The following NASP variants were observed in gnomAD, a reference collection of about 807,000 sequenced individuals.
NASP encodes NASP histone chaperone.
In NASP, 24 loss-of-function variants were observed where a neutral mutation model predicts 89.5. The observed-to-expected ratio is 0.27, with a 90% CI of 0.19 to 0.38. The LOEUF is 0.38. Among genes scored for constraint, NASP ranks in the 10% least tolerant of loss-of-function variants. NASP has a pLI of 1.00. For missense variants in NASP, 848 were observed against 921.4 expected (o/e 0.92, Z 1.03); for synonymous variants, 306 against 324.7 (o/e 0.94, Z 0.62).
At chr1:45,592,826 T>C (rs1234747863) in intron 2 of NASP, 1 of 152,246 alleles carries the variant, frequency 6.6e-6, no homozygotes, top group Non-Finnish European at 1.5e-5. Flanking sequence ...CAAATACATT[T>C]TTTAAGCGTC....
intron 2 of NASP, among the ~76,000 whole-genome samples, chr1:45,597,487 C>A (rs1643728934): frequency 6.6e-6 from 1 of 151,916 alleles, no homozygotes; most frequent in Admixed American, 6.6e-5. Flanking sequence ...ATATGAAAAT[C>A]CTGTTCTCTT....
At chr1:45,585,766 G>C (rs1157219933) in intron 1 of NASP, among the ~76,000 whole-genome samples, 3 of 152,118 alleles carry the variant, frequency 2.0e-5, no homozygotes, top group African/African-American at 7.2e-5. Flanking sequence ...GGGCACAACT[G>C]ATCTTCCCTA....
At position 45,591,219 on chromosome 1, in the gene NASP, A is replaced by G; in HGVS notation, c.60-4A>G. On this transcript the variant is annotated splice_polypyrimidine_tract_variant and splice_region_variant and intron_variant, in intron 1 of 14. Transcript: ENST00000350030. ...ATTTTTTCCCCTTTAATTTTTTATT[A>G]CAGAATTGAAGATGTTCCTGCTCCT... 1.3e-6 allele frequency: 2 copies of G among 1,517,798 alleles called. No individual in the cohort carries two copies. The highest frequency in any genetic ancestry group is 2.4e-5 in the East Asian group (1 of 41,522). 94.0% of individuals were successfully genotyped at this position (1,517,798 alleles called of 1,614,324 possible).
chr1:45,608,524 GTCT>G (rs1643949197), intron 6 of NASP, 187 bp downstream of exon 6: 4 of 623,950 alleles, frequency 6.4e-6, no homozygotes, highest in African/African-American at 1.8e-5. Context: ...AAAGCAGCAA[GTCT>G]TCTTTAGCTG....
intron 1 of NASP, among the ~76,000 whole-genome samples, chr1:45,590,146 AT>A (rs1187340720): frequency 6.6e-6 from 1 of 152,134 alleles, no homozygotes; most frequent in African/African-American, 2.4e-5. Flanking sequence ...ACAGACTAAA[AT>A]TTGAGAAACA....
At chr1:45,616,278 A>G in intron 11 of NASP, 59 bp from the exon 12 acceptor site, 2 of 1,486,354 alleles carry the variant, frequency 1.3e-6, no homozygotes, top group Non-Finnish European at 1.9e-6. Flanking sequence ...TCCTGTTACA[A>G]GGCTGTGGGC....
intron 1 of NASP, among the ~76,000 whole-genome samples, chr1:45,586,284 G>GTGTGGT (rs1202771599): frequency 2.0e-4 from 20 of 100,524 alleles, no homozygotes; most frequent in South Asian, 9.7e-4. Flanking sequence ...GTGTGTGTGT[G>GTGTGGT]GTGTGTGTGT....
At chr1:45,604,272 A>G (rs1453821049) in intron 3 of NASP, among the ~76,000 whole-genome samples, 3 of 152,228 alleles carry the variant, frequency 2.0e-5, no homozygotes, top group Non-Finnish European at 4.4e-5. Context: ...CCTTTTGTTC[A>G]TTATACTTAC....
chr1:45,593,961 C>T (rs1187275073), intron 2 of NASP, among the ~76,000 whole-genome samples: 2 of 150,328 alleles, frequency 1.3e-5, no homozygotes, highest in East Asian at 2.0e-4. Context: ...CCCAGGAAGT[C>T]GAGGTGGTGG....
In NASP at chr1:45,614,344, C is replaced by T. The variant is rs762794083; in HGVS notation, c.1644C>T (p.Leu548=). Reference sequence around the variant, plus strand: ...ATGCTGCCCAGGCACATCTTAAACTCGGAGAAGTTAGTGTTGAATCTGGTA... The same window carrying T: ...ATGCTGCCCAGGCACATCTTAAACTTGGAGAAGTTAGTGTTGAATCTGGTA... ...QLYAAQAHLK[L]GEVSVESENY... The change falls in exon 9 of 15, where the codon CTC becomes CTT. Residue 548 remains leucine (L), a synonymous_variant. Transcript: ENST00000350030. The T allele has an allele frequency of 9.3e-6, 15 of 1,613,718 alleles. No individual in the cohort carries two copies. Among genetic ancestry groups the T allele is most frequent in the South Asian group, 4.4e-5 (4 of 91,076 alleles).
intron 3 of NASP, among the ~76,000 whole-genome samples, chr1:45,602,866 C>G (rs1014751641): frequency 6.6e-6 from 1 of 152,174 alleles, no homozygotes; most frequent in South Asian, 2.1e-4. Context: ...TTAAGCGATT[C>G]GTCCACCTTG....
At chr1:45,597,367 ATATCCAGT>A (rs1643726412) in intron 2 of NASP, among the ~76,000 whole-genome samples, 1 of 150,442 alleles carries the variant, frequency 6.6e-6, no homozygotes, top group Non-Finnish European at 1.5e-5. Flanking sequence ...TAACAGAAGA[ATATCCAGT>A]TATCTGAAAG....
intron 1 of NASP, among the ~76,000 whole-genome samples, chr1:45,589,872 G>A (rs1643486968): frequency 6.6e-6 from 1 of 152,166 alleles, no homozygotes; most frequent in Non-Finnish European, 1.5e-5. Flanking sequence ...CTGCACTCCA[G>A]CCTGGGCAAC....
intron 2 of NASP, among the ~76,000 whole-genome samples, chr1:45,591,728 C>T (rs1400381551): frequency 6.6e-6 from 1 of 152,136 alleles, no homozygotes; most frequent in Non-Finnish European, 1.5e-5. Context: ...AGATCTACAC[C>T]CGTAGTGACT....
chr1:45,591,290 A>G lies in NASP; in HGVS notation c.107+20A>G. ...GGAGAGGTAAGATTATTTACATGGTAGTTAGATTCGTATCAGAAACATAAA... is the reference window on the plus strand; with the variant it reads ...GGAGAGGTAAGATTATTTACATGGTGGTTAGATTCGTATCAGAAACATAAA... On this transcript the variant is annotated intron_variant, in intron 2 of 14. Transcript: ENST00000350030. 6.9e-7 allele frequency: 1 copy of G among 1,450,124 alleles called. No individual in the cohort carries two copies. The highest frequency in any genetic ancestry group is 2.3e-5 in the Admixed American group (1 of 43,992). 89.8% of individuals were successfully genotyped at this position (1,450,124 alleles called of 1,614,324 possible).
rs1332003795 is a variant in NASP at position 45,615,367 on chromosome 1, G to C, written c.1918G>C (p.Glu640Gln). The change falls in exon 11 of 15, where the codon GAG becomes CAG. Residue 640 changes from glutamate (E) to glutamine (Q), a missense_variant. Around this residue, in one of 5 missense-constraint regions of NASP, gnomAD observed 218 missense variants for 219.6 expected, o/e 0.99. Coordinates refer to ENST00000350030, the MANE Select transcript of NASP (RefSeq NM_002482.4). ...GTCTGCTGAATACAAGAAAGAAATT[G>C]AGGAACTAAAGGAACTGCTACCCGA... ...GSSAEYKKEI[E>Q]ELKELLPEIR... The C allele has an allele frequency of 1.2e-6, 2 of 1,614,086 alleles. No homozygotes were observed. The highest frequency in any genetic ancestry group is 2.7e-5 in the African/African-American group (2 of 74,940).
intron 2 of NASP, among the ~76,000 whole-genome samples, chr1:45,595,412 T>C (rs570913051): frequency 2.6e-5 from 4 of 152,324 alleles, no homozygotes; most frequent in Non-Finnish European, 5.9e-5. Flanking sequence ...TCTGGATTTT[T>C]GTTTGTTCAC....
chr1:45,593,877 T>A (rs75767538), intron 2 of NASP, among the ~76,000 whole-genome samples: 10 of 150,612 alleles, frequency 6.6e-5, no homozygotes, highest in Admixed American at 1.3e-4. Flanking sequence ...ATTTTTTTTT[T>A]AATTAACTGT....
chr1:45,584,286 G>A, intron 1 of NASP, 81 bp downstream of exon 1: 2 of 1,358,296 alleles, frequency 1.5e-6, no homozygotes, highest in Non-Finnish European at 2.0e-6. Context: ...AGAAGGGGCA[G>A]ACCGGTGGGC....
Sources: allele counts gnomAD v4.1 joint callset (sites outside exome capture counted in the v4.1 genomes callset), GRCh38; gene constraint gnomAD v4.1.1; regional missense constraint gnomAD v4.1.1; transcripts MANE v1.5; gene names NCBI Gene and HGNC (gene_info 2026-07-23, HGNC 2026-07-21).